Variants in DNAH5 observed in about 807,000 individuals in gnomAD.
The protein encoded by DNAH5 is dynein axonemal heavy chain 5.
In DNAH5, 372 loss-of-function variants were observed where a neutral mutation model predicts 518.2. That is an observed-to-expected ratio of 0.72 (90% CI 0.66 to 0.78). The LOEUF (loss-of-function observed/expected upper bound fraction) is 0.78, where lower values mean the gene tolerates loss of function less well. DNAH5 is among the 30% of genes least tolerant of loss of function. DNAH5 has a pLI of 0.00. For missense variants in DNAH5, 5,523 were observed against 5,687.0 expected, an observed-to-expected ratio of 0.97 and a Z score of 0.93; for synonymous variants, 2,039 against 2,025.9, an observed-to-expected ratio of 1.01 and a Z score of -0.17.
At chr5:13,991,254 T>G (rs1217538336) in intron 1 of DNAH5, among the ~76,000 whole-genome samples, 1 of 152,206 alleles carries the variant, frequency 6.6e-6, no homozygotes, top group East Asian at 1.9e-4. Flanking sequence ...TTAAAAACTT[T>G]GTCTCCTTCA....
In DNAH5 at chr5:13,768,951, T is replaced by C. The variant is rs774932799; in HGVS notation, c.9897+9A>G. 4.7e-5 allele frequency: 76 copies of C among 1,613,994 alleles called. No individual in the cohort carries two copies. The highest frequency in any genetic ancestry group is 1.6e-4 in the Middle Eastern group (1 of 6,084). On this transcript the variant is annotated intron_variant, in intron 58 of 78. Coordinates refer to ENST00000265104, the MANE Select transcript of DNAH5 (RefSeq NM_001369.3). ...TAAAGCTGACATCTGTTATATCACA[T>C]AGATGCACCTGCAATGCAGCTTCTG...
intron 1 of DNAH5, among the ~76,000 whole-genome samples, chr5:14,010,393 C>G (rs1785030074): frequency 6.6e-6 from 1 of 152,050 alleles, no homozygotes. Context: ...TATAACAACC[C>G]AGATGAAAGC....
intron 1 of DNAH5, among the ~76,000 whole-genome samples, chr5:13,959,732 C>A (rs1781025219): frequency 6.6e-6 from 1 of 152,192 alleles, no homozygotes. Context: ...CTTTGGAAGG[C>A]TGAGGCAGGC....
intron 11 of DNAH5, 61 bp from the exon 12 acceptor site, chr5:13,911,554 A>T (rs1775996736): frequency 7.6e-7 from 1 of 1,309,916 alleles, no homozygotes; most frequent in African/African-American, 1.5e-5. Context: ...CTAACTAAAT[A>T]TGACCCTTAA....
intron 55 of DNAH5, among the ~76,000 whole-genome samples, chr5:13,771,496 T>C (rs1017126596): frequency 6.6e-6 from 1 of 152,236 alleles, no homozygotes; most frequent in African/African-American, 2.4e-5. Context: ...TGGTCATTTG[T>C]GGTCAGTTCT....
At chr5:13,874,406 C>A (rs996617017) in intron 22 of DNAH5, among the ~76,000 whole-genome samples, 6 of 152,108 alleles carry the variant, frequency 3.9e-5, no homozygotes, top group African/African-American at 1.4e-4. Context: ...TGAAGGTAAC[C>A]TAGACCTTGA....
chr5:13,848,777 G>A (rs1044310480), intron 31 of DNAH5, among the ~76,000 whole-genome samples: 19 of 152,146 alleles, frequency 1.2e-4, no homozygotes, highest in Non-Finnish European at 1.8e-4. Context: ...CTCACAGGAG[G>A]CAGAGCTCAG....
At chr5:13,887,958 C>A (rs367919819) in intron 17 of DNAH5, among the ~76,000 whole-genome samples, 3 of 152,166 alleles carry the variant, frequency 2.0e-5, no homozygotes, top group Non-Finnish European at 4.4e-5. Context: ...CTACCAAGCT[C>A]CATAATAGCT....
intron 29 of DNAH5, among the ~76,000 whole-genome samples, chr5:13,860,046 A>G (rs1251826345): frequency 2.6e-5 from 4 of 152,156 alleles, no homozygotes; most frequent in East Asian, 3.8e-4. Flanking sequence ...TTCAAATATG[A>G]TAACACCTGG....
chr5:13,871,496 A>G, intron 23 of DNAH5, 68 bp downstream of exon 23: 1 of 1,344,400 alleles, frequency 7.4e-7, no homozygotes, highest in Non-Finnish European at 1.1e-6. Flanking sequence ...TCTGGAATAC[A>G]AATCTAGGTA....
upstream of DNAH5, among the ~76,000 whole-genome samples, chr5:13,948,986 G>T (rs185076413): frequency 1.2e-4 from 19 of 152,176 alleles, no homozygotes; most frequent in African/African-American, 4.8e-5. Flanking sequence ...CCTGGTTGAG[G>T]AAGGAATGAG....
At chr5:13,747,169 G>C (rs1380676447) in intron 65 of DNAH5, among the ~76,000 whole-genome samples, 2 of 151,944 alleles carry the variant, frequency 1.3e-5, no homozygotes, top group African/African-American at 4.8e-5. Context: ...ATAGTTTGCT[G>C]AGAATGATGG....
rs1206293606 is a variant in DNAH5 at position 13,845,003 on chromosome 5, G to A, written c.5115-10C>T. On this transcript the variant is annotated splice_polypyrimidine_tract_variant and intron_variant, in intron 31 of 78. Coordinates refer to ENST00000265104, the MANE Select transcript of DNAH5 (RefSeq NM_001369.3). ...TTTTTTCTCCAAGTACCTACAAGGA[G>A]AGGAAAAACATAAACCTTTATAACC... 1 of 1,612,894 alleles carries A rather than the reference G, an allele frequency of 6.2e-7. No individual in the cohort carries two copies.
chr5:13,758,724 G>T, intron 61 of DNAH5, 122 bp downstream of exon 61: 1 of 1,392,990 alleles, frequency 7.2e-7, no homozygotes, highest in Non-Finnish European at 1.0e-6. Context: ...GACCCTTGGT[G>T]TCCATTATGT....
Position 13,788,799 on chromosome 5 carries a change from A to G in DNAH5, c.8564T>C (p.Phe2855Ser), listed in dbSNP as rs1181279694. 1.2e-6 allele frequency: 2 copies of G among 1,613,964 alleles called. No homozygotes were observed. The highest frequency in any genetic ancestry group is 1.7e-6 in the Non-Finnish European group (2 of 1,180,000). ...KALVSLVEEE[F>S]GEEKKLLVDC... The stretch of plus-strand genomic sequence containing the variant: ...CACCAAGAGTTTTTTCTCTTCACCA[A>G]ACTCCTCCTCTACCAAACTTACTAA... The change falls in exon 51 of 79, where the codon TTT (phenylalanine) becomes TCT (serine). Residue 2855 changes from phenylalanine to serine, a missense_variant. Coordinates refer to ENST00000265104, the MANE Select transcript of DNAH5 (RefSeq NM_001369.3).
chr5:13,946,216 A>G (rs1779901249), upstream of DNAH5, among the ~76,000 whole-genome samples: 1 of 152,256 alleles, frequency 6.6e-6, no homozygotes, highest in Admixed American at 6.5e-5. Flanking sequence ...TTGCAGCAGC[A>G]GCCCATTTAC....
At chr5:13,968,119 T>A (rs908169752) in intron 1 of DNAH5, among the ~76,000 whole-genome samples, 3 of 152,162 alleles carry the variant, frequency 2.0e-5, no homozygotes, top group African/African-American at 7.2e-5. Context: ...CTTGATTTGA[T>A]TCTCAGCTTG....
chr5:13,714,641 A>G, intron 74 of DNAH5, 21 bp from the exon 75 acceptor site: 1 of 1,612,104 alleles, frequency 6.2e-7, no homozygotes. Context: ...GACACCCCAG[A>G]TAAGCACAGA....
chr5:13,717,498 G>T lies in DNAH5; in HGVS notation c.12522C>A (p.Asp4174Glu). The change falls in exon 73 of 79, where the codon GAC (aspartate) becomes GAA (glutamate). Residue 4174 changes from aspartate (D) to glutamate (E), a missense_variant. By Grantham distance (45) the Asp-to-Glu change is conservative (BLOSUM62 2). Around this residue, in one of 3 missense-constraint regions of DNAH5, gnomAD observed 5,121 missense variants for 5,223.3 expected, o/e 0.98. Coordinates refer to ENST00000265104, the MANE Select transcript of DNAH5 (RefSeq NM_001369.3). ...TYSGVSQDLL[D>E]VSSGSQWKPM... Reference sequence around the variant, plus strand: ...GCTTCCACTGGGACCCAGAGCTCACGTCCAGCAGGTCTTGGCTGACACCTG... The same window carrying T: ...GCTTCCACTGGGACCCAGAGCTCACTTCCAGCAGGTCTTGGCTGACACCTG... The T allele has an allele frequency of 6.2e-7, 1 of 1,614,148 alleles. No individual in the cohort carries two copies. Among genetic ancestry groups the T allele is most frequent in the Admixed American group, 1.7e-5 (1 of 60,022 alleles).
Sources: allele counts gnomAD v4.1 joint callset (sites outside exome capture counted in the v4.1 genomes callset), GRCh38; gene constraint gnomAD v4.1.1; regional missense constraint gnomAD v4.1.1; transcripts MANE v1.5; gene names NCBI Gene and HGNC (gene_info 2026-07-23, HGNC 2026-07-21).